The following PTPN13 variants were observed in gnomAD, a reference collection of about 807,000 sequenced individuals.
PTPN13 encodes tyrosine-protein phosphatase non-receptor type 13.
A neutral mutation model predicts 284.0 loss-of-function variants in PTPN13; 191 were observed. The ratio of observed to expected loss-of-function variants is 0.67; its 90% CI spans 0.60 to 0.76. The LOEUF (loss-of-function observed/expected upper bound fraction) is 0.76, where lower values mean the gene tolerates loss of function less well. Ranked by LOEUF, PTPN13 falls within the 30% of genes least tolerant of loss-of-function variation. The pLI, the probability that PTPN13 is intolerant of heterozygous loss-of-function variation, is 0.00. For missense variants in PTPN13, 2,797 were observed against 2,939.9 expected, an observed-to-expected ratio of 0.95 and a Z score of 1.12; for synonymous variants, 986 against 1,022.3, an observed-to-expected ratio of 0.96 and a Z score of 0.68.
At position 86,726,612 on chromosome 4, in the gene PTPN13, TTGTC is replaced by T. The variant is rs1050290817; in HGVS notation, c.1608+4182_1608+4185del. Among the ~76,000 whole-genome samples the T allele has an allele frequency of 3.4e-5, 5 of 148,884 alleles. 1 individual carries two copies. Among genetic ancestry groups the T allele is most frequent in the Non-Finnish European group, 6.0e-5 (4 of 66,376 alleles). ...GGGAATTCACTCATGATTTGGCTGT[TTGTC>T]TGTTATTGGTGTAGAGAAATGTTTG... On this transcript the variant is annotated intron_variant, in intron 10 of 47. Transcript: ENST00000411767.
chr4:86,793,650 C>G (rs1181498456), intron 40 of PTPN13, among the ~76,000 whole-genome samples: 1 of 152,192 alleles, frequency 6.6e-6, no homozygotes, highest in Non-Finnish European at 1.5e-5. Flanking sequence ...TTATAACAAA[C>G]TGTCTCTCAG....
At chr4:86,613,841 G>T (rs56920198) in intron 1 of PTPN13, among the ~76,000 whole-genome samples, 2 of 152,036 alleles carry the variant, frequency 1.3e-5, no homozygotes, top group Non-Finnish European at 2.9e-5. Context: ...ACTACATTCT[G>T]TCTCAGTACC....
At chr4:86,639,594 C>T (rs1578311673) in intron 2 of PTPN13, among the ~76,000 whole-genome samples, 1 of 151,504 alleles carries the variant, frequency 6.6e-6, no homozygotes. Context: ...AACCAAACAC[C>T]GCCATGTTCT....
Position 86,624,953 on chromosome 4 carries a change from C to T in PTPN13, c.-5-10299C>T, listed in dbSNP as rs72870665. On this transcript the variant is annotated intron_variant, in intron 1 of 47. Transcript: ENST00000411767. ...GCCATTCTTTGAGGGTATATATAAG[C>T]ACATGGGCAGGTATATGAAGCATTT... is the stretch of plus-strand genomic sequence containing the variant. Among the ~76,000 whole-genome samples the T allele has an allele frequency of 1.3e-3, 197 of 152,194 alleles. 1 individual carries two copies. The highest frequency in any genetic ancestry group is 4.6e-3 in the African/African-American group (189 of 41,528).
At chr4:86,794,474 A>G (rs962008089) in intron 40 of PTPN13, among the ~76,000 whole-genome samples, 4 of 152,208 alleles carry the variant, frequency 2.6e-5, no homozygotes, top group African/African-American at 9.7e-5. Flanking sequence ...CATACTGCCC[A>G]AAGTAATTTA....
chr4:86,602,170 C>T (rs1229937463), intron 1 of PTPN13, among the ~76,000 whole-genome samples: 1 of 152,062 alleles, frequency 6.6e-6, no homozygotes, highest in East Asian at 1.9e-4. Flanking sequence ...ATGGTGTTGA[C>T]CACTCCTGTT....
In PTPN13 at chr4:86,734,727, G is replaced by C. The variant is rs771227393; in HGVS notation, c.2013-10G>C. Reference sequence around the variant, plus strand: ...AAGGCCAAGATGTCTGTGTGTGTTTGTTTTTTCAGACATACTCTGACGTGT... The same window carrying C: ...AAGGCCAAGATGTCTGTGTGTGTTTCTTTTTTCAGACATACTCTGACGTGT... On this transcript the variant is annotated splice_polypyrimidine_tract_variant and intron_variant, in intron 13 of 47. Transcript: ENST00000411767. 1 of 1,602,896 alleles carries C rather than the reference G, an allele frequency of 6.2e-7. No homozygotes were observed. Among genetic ancestry groups the C allele is most frequent in the East Asian group, 2.2e-5 (1 of 44,556 alleles).
intron 43 of PTPN13, 21 bp from the exon 44 acceptor site, chr4:86,805,258 A>G: frequency 2.0e-6 from 3 of 1,488,586 alleles, no homozygotes; most frequent in Non-Finnish European, 2.8e-6. Context: ...CAACAAATTT[A>G]TTTCCATGTT....
rs1001524083 is a variant in PTPN13 at position 86,735,819 on chromosome 4, A to G, written c.2304+73A>G. The G allele has an allele frequency of 4.4e-5, 60 of 1,377,398 alleles. 1 individual carries two copies. In the Middle Eastern group the frequency reaches 1.8e-3, roughly 42 times the overall value. The allele number at this position is 1,377,398 out of a possible 1,614,324, so 85.3% of individuals were successfully genotyped here. A position where few individuals can be genotyped will look rare whatever the true frequency, so the allele number is the denominator to read the frequency against. On this transcript the variant is annotated intron_variant, in intron 15 of 47. Transcript: ENST00000411767. The stretch of plus-strand genomic sequence containing the variant: ...AAGCAAGAAGTGTTAGAGGACACAT[A>G]TCTAAGAGTTCAAGTGCCAGTAACT...
intron 9 of PTPN13, among the ~76,000 whole-genome samples, chr4:86,719,808 T>C (rs1456556821): frequency 1.3e-5 from 2 of 152,230 alleles, no homozygotes; most frequent in African/African-American, 2.4e-5. Flanking sequence ...GCCCACTTTT[T>C]AATAGAGTTG....
intron 1 of PTPN13, among the ~76,000 whole-genome samples, chr4:86,599,368 C>A (rs948285256): frequency 6.6e-6 from 1 of 152,070 alleles, no homozygotes; most frequent in Non-Finnish European, 1.5e-5. Context: ...GGCCTTTTTA[C>A]TATTTGGATG....
At chr4:86,758,412 G>A in intron 21 of PTPN13, 63 bp downstream of exon 21, 1 of 1,352,232 alleles carries the variant, frequency 7.4e-7, no homozygotes, top group Non-Finnish European at 1.0e-6. Context: ...AAAGTCTATA[G>A]CATAGCATTG....
chr4:86,803,680 CT>C, intron 42 of PTPN13, 28 bp from the exon 43 acceptor site: 1 of 1,608,922 alleles, frequency 6.2e-7, no homozygotes, highest in Non-Finnish European at 8.5e-7. Context: ...TCTGGAGGAA[CT>C]GTTTTTAAAT....
intron 15 of PTPN13, among the ~76,000 whole-genome samples, chr4:86,739,200 T>C (rs1365263844): frequency 6.6e-6 from 1 of 152,146 alleles, no homozygotes; most frequent in Non-Finnish European, 1.5e-5. Flanking sequence ...AATTCATTTT[T>C]TTAGCATGTG....
At chr4:86,715,320 T>C (rs1732895947) in intron 7 of PTPN13, among the ~76,000 whole-genome samples, 1 of 152,178 alleles carries the variant, frequency 6.6e-6, no homozygotes, top group African/African-American at 2.4e-5. Context: ...ACTTTGATTA[T>C]ATATATGTAT....
intron 3 of PTPN13, among the ~76,000 whole-genome samples, chr4:86,684,015 CATTTA>C (rs565766167): frequency 2.6e-4 from 39 of 151,700 alleles, no homozygotes; most frequent in African/African-American, 9.4e-4. Flanking sequence ...ACTTCTTGCA[CATTTA>C]ATTTAATTCA....
Position 86,799,197 on chromosome 4 carries a change from T to G in PTPN13, c.6498T>G (p.Ser2166=), listed in dbSNP as rs1311690272. The G allele has an allele frequency of 1.3e-6, 2 of 1,533,674 alleles. No individual in the cohort carries two copies. Among genetic ancestry groups the G allele is most frequent in the African/African-American group, 2.8e-5 (2 of 71,702 alleles). ...TAGAGAGAACAAACCATGAAGATTC[T>G]GATAAAGGCAAGAATTTTAATGACA... is the stretch of plus-strand genomic sequence containing the variant. The part of the protein sequence containing the change: ...LPIERTNHED[S]DKDHSFLTND... The change falls in exon 42 of 48, where the codon TCT becomes TCG. Residue 2166 remains serine, a synonymous_variant. Coordinates refer to ENST00000411767, the MANE Select transcript of PTPN13 (RefSeq NM_080683.3).
At position 86,643,073 on chromosome 4, in the gene PTPN13, AAG is replaced by A. The variant is rs1300487890; in HGVS notation, c.115+7706_115+7707del. 4.6e-5 allele frequency among the ~76,000 whole-genome samples: 7 copies of A among 152,292 alleles called. No individual in the cohort carries two copies. The South Asian group carries it at 1.0e-3, about 23-fold the overall frequency. ...GTTAGACTGATTGATTAGTCAGAGG[AAG>A]AGACTCAATTTCCCTCACTTAGGCA... On this transcript the variant is annotated intron_variant, in intron 2 of 47. Transcript: ENST00000411767.
chr4:86,793,838 G>A (rs897342307), intron 40 of PTPN13, among the ~76,000 whole-genome samples: 1 of 152,128 alleles, frequency 6.6e-6, no homozygotes, highest in Non-Finnish European at 1.5e-5. Context: ...CAGAATCTCT[G>A]GGACACATTT....
Sources: allele counts gnomAD v4.1 joint callset (sites outside exome capture counted in the v4.1 genomes callset), GRCh38; gene constraint gnomAD v4.1.1; transcripts MANE v1.5; gene names NCBI Gene and HGNC (gene_info 2026-07-23, HGNC 2026-07-21).